The following LUZP2 variants were observed in gnomAD, a reference collection of about 807,000 sequenced individuals.
LUZP2 encodes leucine zipper protein 2.
A neutral mutation model predicts 51.6 loss-of-function variants in LUZP2; 52 were observed. The observed-to-expected ratio is 1.01, with a 90% CI of 0.81 to 1.27. LUZP2 has a LOEUF of 1.27. LUZP2 is among the 50% of genes most tolerant of loss of function. The probability of loss-of-function intolerance (pLI) is 0.00; values close to 1 mark genes in which losing one functional copy is unlikely to be tolerated. For missense variants in LUZP2, 436 were observed against 395.4 expected (o/e 1.10, Z -0.87); for synonymous variants, 154 against 137.3 (o/e 1.12, Z -0.85).
At chr11:24,856,724 A>C (rs1199814476) in intron 5 of LUZP2, among the ~76,000 whole-genome samples, 1 of 152,146 alleles carries the variant, frequency 6.6e-6, no homozygotes, top group Non-Finnish European at 1.5e-5. Flanking sequence ...TTATGTACAC[A>C]CAATGGAATA....
intron 5 of LUZP2, among the ~76,000 whole-genome samples, chr11:24,812,415 T>C (rs1850049088): frequency 6.6e-6 from 1 of 152,170 alleles, no homozygotes; most frequent in Admixed American, 6.5e-5. Context: ...AGTAAATACA[T>C]ATTCTAACAA....
chr11:24,634,738 G>A (rs1855019353), intron 1 of LUZP2, among the ~76,000 whole-genome samples: 1 of 152,070 alleles, frequency 6.6e-6, no homozygotes, highest in Admixed American at 6.6e-5. Flanking sequence ...AGGCATTTGA[G>A]TTTGCAGGTG....
At chr11:24,521,214 G>A (rs1334981303) in intron 1 of LUZP2, among the ~76,000 whole-genome samples, 1 of 152,080 alleles carries the variant, frequency 6.6e-6, no homozygotes, top group East Asian at 1.9e-4. Context: ...AGTCAGGCAT[G>A]GTGGCGTGGG....
At chr11:24,743,556 C>T (rs1023480216) in intron 4 of LUZP2, among the ~76,000 whole-genome samples, 1 of 152,104 alleles carries the variant, frequency 6.6e-6, no homozygotes, top group Non-Finnish European at 1.5e-5. Flanking sequence ...AGAAACTTTA[C>T]TGAATTCTTT....
chr11:24,624,093 T>A (rs1266287292), intron 1 of LUZP2, among the ~76,000 whole-genome samples: 1 of 152,184 alleles, frequency 6.6e-6, no homozygotes, highest in African/African-American at 2.4e-5. Context: ...TAGGCTGATA[T>A]TATTTTTAAT....
intron 9 of LUZP2, among the ~76,000 whole-genome samples, chr11:25,035,850 G>A (rs762387221): frequency 6.6e-5 from 10 of 152,000 alleles, no homozygotes; most frequent in Non-Finnish European, 1.5e-4. Context: ...TTTTTTATCT[G>A]CTGCTGCACT....
rs80164750 is a variant in LUZP2, at chr11:25,027,952, C to T, written c.766-22086C>T. The stretch of plus-strand genomic sequence containing the variant: ...TGGATAAAATCTAAGTTCCCCAGTT[C>T]GGAGTTCAAATCTATCAACTAGTAT... On this transcript the variant is annotated intron_variant, in intron 9 of 11. Transcript: ENST00000336930. Among the ~76,000 whole-genome samples, 1,042 of 151,698 alleles carry T rather than the reference C, an allele frequency of 6.9e-3. 34 individuals carry two copies. The East Asian group carries it at 0.099, about 14-fold the overall frequency.
At chr11:24,544,709 G>A (rs1851486105) in intron 1 of LUZP2, among the ~76,000 whole-genome samples, 2 of 151,926 alleles carry the variant, frequency 1.3e-5, no homozygotes, top group South Asian at 2.1e-4. Context: ...TTAATTCCAT[G>A]TCTTTACTAT....
intron 1 of LUZP2, among the ~76,000 whole-genome samples, chr11:24,513,048 G>A (rs1199219176): frequency 6.6e-6 from 1 of 151,682 alleles, no homozygotes; most frequent in South Asian, 2.1e-4. Flanking sequence ...GTGAGCCACC[G>A]CGCCCAGCAA....
intron 7 of LUZP2, among the ~76,000 whole-genome samples, chr11:24,952,307 A>G (rs1855100812): frequency 6.6e-6 from 1 of 151,918 alleles, no homozygotes; most frequent in African/African-American, 2.4e-5. Context: ...AGAGAATATA[A>G]TGTTGGCACG....
chr11:24,994,151 A>G (rs1034047918), intron 9 of LUZP2, among the ~76,000 whole-genome samples: 2 of 130,106 alleles, frequency 1.5e-5, no homozygotes, highest in Non-Finnish European at 3.1e-5. Flanking sequence ...GAGCCACTGC[A>G]CCTGGCCCTT....
chr11:24,610,847 A>T (rs1234421841), intron 1 of LUZP2, among the ~76,000 whole-genome samples: 3 of 152,142 alleles, frequency 2.0e-5, no homozygotes, highest in Non-Finnish European at 2.9e-5. Context: ...CAAGAGACTG[A>T]GGCACAAGAA....
At chr11:24,699,926 AC>A (rs1857373052) in intron 1 of LUZP2, among the ~76,000 whole-genome samples, 1 of 151,572 alleles carries the variant, frequency 6.6e-6, no homozygotes, top group Non-Finnish European at 1.5e-5. Flanking sequence ...GCCAACAACA[AC>A]AGAAGAGGGT....
At chr11:24,872,534 C>G (rs1372931608) in intron 5 of LUZP2, among the ~76,000 whole-genome samples, 1 of 152,116 alleles carries the variant, frequency 6.6e-6, no homozygotes, top group East Asian at 1.9e-4. Flanking sequence ...CCTATCACTT[C>G]TTCAATAGTC....
At chr11:24,979,605 A>C (rs1029674537) in intron 8 of LUZP2, among the ~76,000 whole-genome samples, 1 of 151,892 alleles carries the variant, frequency 6.6e-6, no homozygotes, top group Non-Finnish European at 1.5e-5. Flanking sequence ...TTAGTATCTC[A>C]GTATAAACAA....
intron 4 of LUZP2, among the ~76,000 whole-genome samples, chr11:24,746,181 T>C (rs1361719130): frequency 2.0e-5 from 3 of 152,318 alleles, no homozygotes; most frequent in South Asian, 2.1e-4. Flanking sequence ...AGGTTCTGTT[T>C]TGATGTTTCC....
At chr11:24,518,749 G>A (rs549059966) in intron 1 of LUZP2, among the ~76,000 whole-genome samples, 181 of 152,306 alleles carry the variant, frequency 1.2e-3, no homozygotes, top group African/African-American at 4.2e-3. Flanking sequence ...TTGGAGGAAA[G>A]AAACTTTATT....
intron 1 of LUZP2, among the ~76,000 whole-genome samples, chr11:24,534,927 A>G (rs1358855703): frequency 2.0e-5 from 3 of 151,352 alleles, no homozygotes; most frequent in Non-Finnish European, 3.0e-5. Context: ...GAGATTTTCC[A>G]CCATAAACAT....
rs1169308165 is a variant in LUZP2 at position 24,611,529 on chromosome 11, T to C, written c.62+114224T>C. Among the ~76,000 whole-genome samples, 1 of 152,124 alleles carries C rather than the reference T, an allele frequency of 6.6e-6. No individual in the cohort carries two copies. Among genetic ancestry groups the C allele is most frequent in the Non-Finnish European group, 1.5e-5 (1 of 68,016 alleles). ...TGTTAGATTGTGTGAAAAGATACAT[T>C]GAGTCAGAGTTTGGCAATTATGGAA... On this transcript the variant is annotated intron_variant, in intron 1 of 11. Transcript: ENST00000336930. The surrounding 1 kb of genome is among the most constrained non-coding windows in gnomAD (Gnocchi z 4.6).
Sources: allele counts gnomAD v4.1 joint callset (sites outside exome capture counted in the v4.1 genomes callset), GRCh38; gene constraint gnomAD v4.1.1; non-coding constraint Gnocchi (gnomAD v3.1); transcripts MANE v1.5; gene names NCBI Gene and HGNC (gene_info 2026-07-23, HGNC 2026-07-21).